TAFA5: variants seen among roughly 807,000 people sequenced by gnomAD.
TAFA5 encodes the protein TAFA chemokine like family member 5.
Under a neutral mutation model 15.3 loss-of-function variants are expected in TAFA5, and 6 were observed. The ratio of observed to expected loss-of-function variants is 0.39; its 90% CI spans 0.21 to 0.77. TAFA5 has a LOEUF of 0.77. Among genes scored for constraint, TAFA5 ranks in the 30% least tolerant of loss-of-function variants. The probability of loss-of-function intolerance (pLI) is 0.41; values close to 1 mark genes in which losing one functional copy is unlikely to be tolerated. For synonymous variants in TAFA5, 103 were observed against 80.7 expected (o/e 1.28, Z -1.48); for missense variants, 161 against 193.1 (o/e 0.83, Z 0.98).
At chr22:48,571,855 T>C (rs1923604679) in intron 1 of TAFA5, among the ~76,000 whole-genome samples, 1 of 152,044 alleles carries the variant, frequency 6.6e-6, no homozygotes, top group African/African-American at 2.4e-5. Context: ...TTCTATGTGC[T>C]CTCCACTCTT....
intron 1 of TAFA5, among the ~76,000 whole-genome samples, chr22:48,507,047 C>T (rs1275806275): frequency 6.6e-6 from 1 of 152,096 alleles, no homozygotes; most frequent in African/African-American, 2.4e-5. Context: ...CCGCCAAGAG[C>T]CAGGTGTGCA....
chr22:48,562,239 G>A (rs899487043), intron 1 of TAFA5, among the ~76,000 whole-genome samples: 19 of 152,170 alleles, frequency 1.2e-4, no homozygotes, highest in East Asian at 3.9e-4. Context: ...CCGGGTTCAC[G>A]CCATTCTCCT....
At chr22:48,605,008 G>A (rs972036059) in intron 1 of TAFA5, among the ~76,000 whole-genome samples, 3 of 151,502 alleles carry the variant, frequency 2.0e-5, no homozygotes, top group Non-Finnish European at 4.4e-5. Context: ...GATCTTGGCG[G>A]TGTTGATGGT....
intron 2 of TAFA5, among the ~76,000 whole-genome samples, chr22:48,677,058 A>G (rs1050924128): frequency 2.6e-5 from 4 of 152,178 alleles, no homozygotes; most frequent in African/African-American, 9.6e-5. Flanking sequence ...GCCACTTCTG[A>G]CCACCCCAGA....
intron 2 of TAFA5, among the ~76,000 whole-genome samples, chr22:48,669,084 G>A (rs139663583): frequency 2.0e-5 from 3 of 152,318 alleles, no homozygotes; most frequent in East Asian, 3.9e-4. Flanking sequence ...CTTCCCCGAC[G>A]TGAGGACACA....
intron 1 of TAFA5, among the ~76,000 whole-genome samples, chr22:48,628,958 G>A (rs1021219847): frequency 5.9e-5 from 9 of 152,128 alleles, no homozygotes; most frequent in African/African-American, 2.2e-4. Flanking sequence ...GTGCAGAGCC[G>A]GGCGCCGTTT....
chr22:48,494,273 T>C (rs1214459761), intron 1 of TAFA5, among the ~76,000 whole-genome samples: 1 of 152,264 alleles, frequency 6.6e-6, no homozygotes, highest in Non-Finnish European at 1.5e-5. Context: ...CATTTCTTTA[T>C]ATAGGCTCGC....
intron 1 of TAFA5, among the ~76,000 whole-genome samples, chr22:48,532,738 A>C (rs894455376): frequency 2.6e-5 from 4 of 152,212 alleles, no homozygotes; most frequent in Non-Finnish European, 5.9e-5. Flanking sequence ...ACAGGAGGTC[A>C]GGCCTGGAAG....
At chr22:48,631,657 C>T (rs993019797) in intron 1 of TAFA5, among the ~76,000 whole-genome samples, 4 of 152,246 alleles carry the variant, frequency 2.6e-5, no homozygotes, top group African/African-American at 9.6e-5. Flanking sequence ...TAGCCAGACT[C>T]AGGCGCTGGG....
At chr22:48,585,552 T>C (rs754622418) in intron 1 of TAFA5, among the ~76,000 whole-genome samples, 18 of 142,574 alleles carry the variant, frequency 1.3e-4, no homozygotes, top group Non-Finnish European at 2.1e-4. Context: ...ATCACACTGC[T>C]CATACCACAC....
In TAFA5 at chr22:48,513,968, T is replaced by G. The variant is rs148476855; in HGVS notation, c.112+24264T>G. 4.5e-3 allele frequency among the ~76,000 whole-genome samples: 678 copies of G among 151,916 alleles called. 3 individuals are homozygous for G. The highest frequency in any genetic ancestry group is 0.016 in the African/African-American group (643 of 41,412). On this transcript the variant is annotated intron_variant, in intron 1 of 3. Coordinates refer to ENST00000402357, the MANE Select transcript of TAFA5 (RefSeq NM_001082967.3). ...GATGATCCAGTCCTCAGAAGACCCT[T>G]CCTCCTGCCCTTCCCTTTCCTGTCA...
At chr22:48,709,507 G>A (rs573424628) in intron 3 of TAFA5, among the ~76,000 whole-genome samples, 215 of 152,274 alleles carry the variant, frequency 1.4e-3, no homozygotes, top group African/African-American at 4.6e-3. Flanking sequence ...GCAGCCTTTC[G>A]TTTCCCTCAT....
chr22:48,504,495 A>T (rs1202728474), intron 1 of TAFA5, among the ~76,000 whole-genome samples: 1 of 151,864 alleles, frequency 6.6e-6, no homozygotes, highest in Admixed American at 6.5e-5. Context: ...CCTCCTGGGC[A>T]GTTGGGCTGG....
chr22:48,570,595 C>G (rs777714379), intron 1 of TAFA5, among the ~76,000 whole-genome samples: 1 of 152,178 alleles, frequency 6.6e-6, no homozygotes, highest in Non-Finnish European at 1.5e-5. Context: ...TAATTCATCA[C>G]CTCTGGTCAG....
intron 3 of TAFA5, among the ~76,000 whole-genome samples, chr22:48,739,849 C>A (rs1930130186): frequency 6.6e-6 from 1 of 152,164 alleles, no homozygotes. Context: ...TTGCCGTGCA[C>A]AGCTCCCTTT....
chr22:48,539,715 C>T (rs1922293685), intron 1 of TAFA5, among the ~76,000 whole-genome samples: 1 of 152,184 alleles, frequency 6.6e-6, no homozygotes, highest in Admixed American at 6.5e-5. Context: ...CGCTGGAGTT[C>T]CAGGGCCTGT....
intron 1 of TAFA5, among the ~76,000 whole-genome samples, chr22:48,500,671 C>G (rs972786113): frequency 7.9e-5 from 12 of 152,240 alleles, no homozygotes; most frequent in Admixed American, 6.5e-4. Context: ...CTTCCCGTGA[C>G]GACGTGGCTA....
chr22:48,543,914 G>A (rs1922560625), intron 1 of TAFA5: 1 of 152,294 alleles, frequency 6.6e-6, no homozygotes, highest in Non-Finnish European at 1.5e-5. Flanking sequence ...GGCTCCAGAA[G>A]ACCCCAGAAA....
At chr22:48,551,315 C>T (rs1315772263) in intron 1 of TAFA5, among the ~76,000 whole-genome samples, 1 of 152,142 alleles carries the variant, frequency 6.6e-6, no homozygotes, top group Admixed American at 6.5e-5. Flanking sequence ...GAGGGCTGGG[C>T]GGCTCGGCTC....
Sources: gnomAD v4.1 joint callset for allele counts (sites outside exome capture counted in the v4.1 genomes callset) on GRCh38, gnomAD v4.1.1 for gene constraint, MANE v1.5 for transcripts, NCBI Gene and HGNC (gene_info 2026-07-23, HGNC 2026-07-21) for gene names.